FAM193A: variants seen among roughly 807,000 people sequenced by gnomAD.
The protein encoded by FAM193A is family with sequence similarity 193 member A, also known as protein FAM193A.
In FAM193A, 22 loss-of-function variants were observed where a neutral mutation model predicts 126.5. The observed-to-expected ratio is 0.17, with a 90% CI of 0.12 to 0.25. FAM193A has a LOEUF of 0.25. Ranked by LOEUF, FAM193A falls within the 10% of genes least tolerant of loss-of-function variation. The probability of loss-of-function intolerance (pLI) is 1.00; values close to 1 mark genes in which losing one functional copy is unlikely to be tolerated. For missense variants in FAM193A, 1,675 were observed against 1,672.8 expected, an observed-to-expected ratio of 1.00 and a Z score of -0.02; for synonymous variants, 761 against 646.8, an observed-to-expected ratio of 1.18 and a Z score of -2.68.
chr4:2,544,903 A>G (rs1475210748), intron 1 of FAM193A, among the ~76,000 whole-genome samples: 1 of 151,694 alleles, frequency 6.6e-6, no homozygotes, highest in African/African-American at 2.4e-5. Context: ...AGATAGAACA[A>G]TTTTCCGGAT....
Position 2,566,121 on chromosome 4 carries a change from G to C in FAM193A, c.255+28951G>C, listed in dbSNP as rs143062674. Among the ~76,000 whole-genome samples, 1,331 of 150,972 alleles carry C rather than the reference G, an allele frequency of 8.8e-3. 15 individuals are homozygous for C. The highest frequency in any genetic ancestry group is 0.031 in the African/African-American group (1,273 of 40,770). Reference sequence around the variant, plus strand: ...GGAGTGCAGTGGCACAATCTTGGCTGACTGCAAGCTCTGCCTTCTGGGTTC... The same window carrying C: ...GGAGTGCAGTGGCACAATCTTGGCTCACTGCAAGCTCTGCCTTCTGGGTTC... On this transcript the variant is annotated intron_variant, in intron 1 of 20. Transcript: ENST00000637812.
At chr4:2,595,214 A>G (rs1428275848) in intron 1 of FAM193A, among the ~76,000 whole-genome samples, 2 of 151,838 alleles carry the variant, frequency 1.3e-5, no homozygotes, top group African/African-American at 2.4e-5. Context: ...ATGCCTGGCT[A>G]ATAGTTGGAT....
chr4:2,704,156 G>T (rs576105949), intron 19 of FAM193A, among the ~76,000 whole-genome samples: 1 of 151,900 alleles, frequency 6.6e-6, no homozygotes, highest in African/African-American at 2.4e-5. Context: ...CCAGCTACTC[G>T]GGAGGTTGAG....
At chr4:2,559,343 G>T (rs1738459117) in intron 1 of FAM193A, among the ~76,000 whole-genome samples, 1 of 152,190 alleles carries the variant, frequency 6.6e-6, no homozygotes, top group Admixed American at 6.5e-5. Flanking sequence ...GTTGTAGTCG[G>T]TGTCCCCTCA....
At chr4:2,548,334 G>T (rs1737698178) in intron 1 of FAM193A, among the ~76,000 whole-genome samples, 2 of 152,038 alleles carry the variant, frequency 1.3e-5, no homozygotes, top group Non-Finnish European at 2.9e-5. Context: ...GCCTCCCAAA[G>T]TACTGGGATT....
chr4:2,640,126 T>C (rs1256942676), intron 6 of FAM193A, among the ~76,000 whole-genome samples: 3 of 152,208 alleles, frequency 2.0e-5, no homozygotes, highest in African/African-American at 4.8e-5. Context: ...TATAGCACTT[T>C]TCCTTGACAA....
chr4:2,732,247 A>C lies in FAM193A; in HGVS notation c.*379A>C. ...TGTCCTCACCGGGGTATCGGCCGTC[A>C]CTCAGCTCTCCTGTGCCCCTGCGTC... On this transcript the variant is annotated 3_prime_UTR_variant, in exon 21 of 21. Coordinates refer to ENST00000637812, the MANE Select transcript of FAM193A (RefSeq NM_001366318.2). 1 of 245,884 alleles carries C rather than the reference A, an allele frequency of 4.1e-6. No homozygotes were observed. The highest frequency in any genetic ancestry group is 8.2e-6 in the Non-Finnish European group (1 of 122,666). 15.2% of individuals were successfully genotyped at this position (245,884 alleles called of 1,614,324 possible).
chr4:2,566,333 C>T (rs1183458758), intron 1 of FAM193A, among the ~76,000 whole-genome samples: 1 of 152,190 alleles, frequency 6.6e-6, no homozygotes, highest in African/African-American at 2.4e-5. Flanking sequence ...AGGCGTGAGC[C>T]ACCGCGCCTG....
chr4:2,689,585 C>T lies in FAM193A; in HGVS notation c.2411C>T (p.Pro804Leu), dbSNP rs751657454. 9 of 1,548,372 alleles carry T rather than the reference C, an allele frequency of 5.8e-6. No individual in the cohort carries two copies. The highest frequency in any genetic ancestry group is 6.1e-6 in the Non-Finnish European group (7 of 1,155,760). The part of the protein sequence containing the change: ...FNASLQDHIY[P>L]SCFGNTPEWN... The stretch of plus-strand genomic sequence containing the variant: ...GCATCTCTTCAAGACCATATTTATC[C>T]GAGCTGTTTTGGGAATACTCCAGAG... The change falls in exon 14 of 21, where the codon CCG (proline) becomes CTG (leucine). Residue 804 changes from proline to leucine, a missense_variant. Transcript: ENST00000637812.
At chr4:2,697,894 C>A (rs1211804530) in intron 18 of FAM193A, among the ~76,000 whole-genome samples, 1 of 152,200 alleles carries the variant, frequency 6.6e-6, no homozygotes, top group Non-Finnish European at 1.5e-5. Flanking sequence ...CATTGGGATT[C>A]ACTGGAGGCC....
At chr4:2,691,461 A>G (rs768895913) in intron 15 of FAM193A, among the ~76,000 whole-genome samples, 5 of 152,188 alleles carry the variant, frequency 3.3e-5, no homozygotes, top group Non-Finnish European at 5.9e-5. Flanking sequence ...GCATGTGGCA[A>G]GATTTCTCAG....
rs372672208 is a variant in FAM193A, at chr4:2,697,604, C to T, written c.3507+1011C>T. On this transcript the variant is annotated intron_variant, in intron 18 of 20. Transcript: ENST00000637812. ...TCAGGCAAAAAGGTGAGGAAGAGGA[C>T]GATCCCACAGTGGACCAGAGGGTGG... is the stretch of plus-strand genomic sequence containing the variant. Among the ~76,000 whole-genome samples the T allele has an allele frequency of 1.6e-4, 24 of 152,306 alleles. No homozygotes were observed. In the East Asian group the frequency reaches 2.5e-3, roughly 16 times the overall value.
intron 19 of FAM193A, among the ~76,000 whole-genome samples, chr4:2,707,006 C>T (rs928337363): frequency 6.6e-6 from 1 of 151,946 alleles, no homozygotes; most frequent in Non-Finnish European, 1.5e-5. Context: ...CCTGTGGTCC[C>T]AGCTGCTCGG....
rs965130194 is a variant in FAM193A at position 2,696,355 on chromosome 4, T to G, written c.3277-8T>G. 5.7e-6 allele frequency: 9 copies of G among 1,589,880 alleles called. No individual in the cohort carries two copies. Among genetic ancestry groups the G allele is most frequent in the Non-Finnish European group, 7.7e-6 (9 of 1,166,360 alleles). On this transcript the variant is annotated splice_polypyrimidine_tract_variant and splice_region_variant and intron_variant, in intron 17 of 20. Coordinates refer to ENST00000637812, the MANE Select transcript of FAM193A (RefSeq NM_001366318.2). ...AAAACTTAAGCATAACTTTGTTGTTTTTCTCAGCCTCCAGCTGCACCAACA... is the reference window on the plus strand; with the variant it reads ...AAAACTTAAGCATAACTTTGTTGTTGTTCTCAGCCTCCAGCTGCACCAACA...
chr4:2,545,081 C>T (rs1040671246), intron 1 of FAM193A, among the ~76,000 whole-genome samples: 3 of 152,146 alleles, frequency 2.0e-5, no homozygotes, highest in Non-Finnish European at 4.4e-5. Context: ...CAACCTCTGC[C>T]TCCTGGGTTC....
At chr4:2,626,924 C>A (rs1322646045) in intron 4 of FAM193A, among the ~76,000 whole-genome samples, 4 of 152,034 alleles carry the variant, frequency 2.6e-5, no homozygotes, top group Non-Finnish European at 5.9e-5. Context: ...CTTTATCAAC[C>A]CAAGGAGAAA....
In FAM193A at chr4:2,652,217, G is replaced by A. The variant is rs527373692; in HGVS notation, c.1311+5385G>A. Among the ~76,000 whole-genome samples the A allele has an allele frequency of 2.2e-4, 34 of 152,218 alleles. No individual in the cohort carries two copies. In the South Asian group the frequency reaches 6.8e-3, roughly 31 times the overall value. On this transcript the variant is annotated intron_variant, in intron 7 of 20. Transcript: ENST00000637812. ...TCAACAAAGATGACTTGGGTGTGTC[G>A]GTGCTTCCTGTCCTGGTGTTGAACA...
chr4:2,689,548 C>G lies in FAM193A; in HGVS notation c.2374C>G (p.Gln792Glu). The G allele has an allele frequency of 6.5e-7, 1 of 1,546,970 alleles. No homozygotes were observed. Among genetic ancestry groups the G allele is most frequent in the Non-Finnish European group, 8.6e-7 (1 of 1,158,332 alleles). The change falls in exon 14 of 21, where the codon CAG becomes GAG. Residue 792 changes from glutamine (Q) to glutamate (E), a missense_variant. Physicochemically the swap from Gln to Glu is conservative, Grantham distance 29. Coordinates refer to ENST00000637812, the MANE Select transcript of FAM193A (RefSeq NM_001366318.2). ...APVQNHTNKH[Q>E]VFNASLQDHI... ...TGTTCAGAATCACACAAATAAGCAT[C>G]AGGTATTCAATGCATCTCTTCAAGA... is the stretch of plus-strand genomic sequence containing the variant.
intron 1 of FAM193A, among the ~76,000 whole-genome samples, chr4:2,541,770 G>A (rs1737248362): frequency 6.6e-6 from 1 of 151,960 alleles, no homozygotes; most frequent in South Asian, 2.1e-4. Flanking sequence ...GTTGTGTGCT[G>A]CACCTTGACA....
Sources: gnomAD v4.1 joint callset for allele counts (sites outside exome capture counted in the v4.1 genomes callset) on GRCh38, gnomAD v4.1.1 for gene constraint, MANE v1.5 for transcripts, NCBI Gene and HGNC (gene_info 2026-07-23, HGNC 2026-07-21) for gene names.